The following CAB39L variants were observed in gnomAD, a reference collection of about 807,000 sequenced individuals.
CAB39L encodes calcium binding protein 39 like.
In CAB39L, 23 loss-of-function variants were observed where a neutral mutation model predicts 39.1. That is an observed-to-expected ratio of 0.59 (90% CI 0.42 to 0.83). The LOEUF (loss-of-function observed/expected upper bound fraction) is 0.83, where lower values mean the gene tolerates loss of function less well. Ranked by LOEUF, CAB39L falls within the 40% of genes least tolerant of loss-of-function variation. CAB39L has a pLI of 0.00. For missense variants in CAB39L, 366 were observed against 391.9 expected, an observed-to-expected ratio of 0.93 and a Z score of 0.56; for synonymous variants, 126 against 137.2, an observed-to-expected ratio of 0.92 and a Z score of 0.57.
intron 9 of CAB39L, among the ~76,000 whole-genome samples, chr13:49,335,237 G>A (rs1041093057): frequency 1.3e-5 from 2 of 152,048 alleles, no homozygotes; most frequent in Non-Finnish European, 2.9e-5. Context: ...TCAGCAAAAG[G>A]AAAATTTCAT....
At chr13:49,400,200 A>G (rs1351517734) in intron 3 of CAB39L, among the ~76,000 whole-genome samples, 3 of 152,088 alleles carry the variant, frequency 2.0e-5, no homozygotes, top group Admixed American at 1.3e-4. Flanking sequence ...AGCAGAGGGT[A>G]GATTAGAAAC....
At chr13:49,396,605 G>A (rs994072436) in intron 3 of CAB39L, among the ~76,000 whole-genome samples, 5 of 152,030 alleles carry the variant, frequency 3.3e-5, no homozygotes, top group Non-Finnish European at 5.9e-5. Context: ...CTACTCAGGA[G>A]GGTGAGGCAG....
At chr13:49,366,376 A>G (rs1051088014) in intron 5 of CAB39L, among the ~76,000 whole-genome samples, 22 of 152,222 alleles carry the variant, frequency 1.4e-4, no homozygotes, top group Middle Eastern at 6.8e-3. Flanking sequence ...AGAAAAAAAG[A>G]GAAAAAAGAA....
At chr13:49,367,849 T>C (rs1276576814) in intron 5 of CAB39L, among the ~76,000 whole-genome samples, 3 of 151,290 alleles carry the variant, frequency 2.0e-5, no homozygotes, top group Admixed American at 2.0e-4. Context: ...GCCTAGAAGG[T>C]GTAGGTGGAA....
chr13:49,366,687 C>A (rs551849415), intron 5 of CAB39L, among the ~76,000 whole-genome samples: 1 of 150,966 alleles, frequency 6.6e-6, no homozygotes, highest in Admixed American at 6.6e-5. Context: ...AAAACCCAAC[C>A]CCCCATCAAA....
chr13:49,427,215 C>T (rs1957257515), intron 3 of CAB39L, among the ~76,000 whole-genome samples: 2 of 152,154 alleles, frequency 1.3e-5, no homozygotes, highest in Admixed American at 1.3e-4. Flanking sequence ...ATCCCCTTTC[C>T]TCCAGTTTCT....
intron 3 of CAB39L, among the ~76,000 whole-genome samples, chr13:49,394,010 T>A (rs538484081): frequency 1.3e-4 from 20 of 152,106 alleles, no homozygotes; most frequent in African/African-American, 4.8e-4. Context: ...ATAGTTTCTG[T>A]AATTTTATAA....
intron 2 of CAB39L, among the ~76,000 whole-genome samples, 151 bp from the exon 3 acceptor site, chr13:49,433,544 A>G (rs913327986): frequency 2.0e-5 from 3 of 152,232 alleles, no homozygotes; most frequent in Non-Finnish European, 4.4e-5. Context: ...GTAAATTTTC[A>G]TATCCCAATA....
intron 10 of CAB39L, among the ~76,000 whole-genome samples, chr13:49,322,902 A>G (rs1013211826): frequency 6.6e-6 from 1 of 152,208 alleles, no homozygotes; most frequent in African/African-American, 2.4e-5. Context: ...TCCGCAGCCT[A>G]TTGAGATAGC....
At chr13:49,323,871 A>G (rs1490928562) in intron 10 of CAB39L, among the ~76,000 whole-genome samples, 5 of 152,180 alleles carry the variant, frequency 3.3e-5, no homozygotes, top group African/African-American at 1.2e-4. Context: ...CAGATGAACA[A>G]TGAGTAATTT....
At chr13:49,420,791 C>G (rs533195139) in intron 3 of CAB39L, among the ~76,000 whole-genome samples, 1 of 151,956 alleles carries the variant, frequency 6.6e-6, no homozygotes, top group Non-Finnish European at 1.5e-5. Flanking sequence ...GTTGGAATTA[C>G]GAGAATTTGA....
At chr13:49,432,159 C>T (rs533335953) in intron 3 of CAB39L, among the ~76,000 whole-genome samples, 1 of 151,938 alleles carries the variant, frequency 6.6e-6, no homozygotes, top group African/African-American at 2.4e-5. Flanking sequence ...TACATATATA[C>T]ATATTTAGAC....
chr13:49,315,645 G>A (rs1954133997), intron 10 of CAB39L, among the ~76,000 whole-genome samples: 1 of 152,036 alleles, frequency 6.6e-6, no homozygotes, highest in Non-Finnish European at 1.5e-5. Flanking sequence ...CCAGCAGCGT[G>A]GGAGGCCAAG....
chr13:49,364,475 C>A (rs1955719408), intron 5 of CAB39L, among the ~76,000 whole-genome samples: 1 of 152,062 alleles, frequency 6.6e-6, no homozygotes, highest in African/African-American at 2.4e-5. Context: ...TGAAGGGCAT[C>A]CAAATTGGTA....
chr13:49,328,932 A>G (rs1036411969), intron 10 of CAB39L, among the ~76,000 whole-genome samples: 1 of 152,200 alleles, frequency 6.6e-6, no homozygotes, highest in African/African-American at 2.4e-5. Context: ...TTTCTCTTCT[A>G]AAAGTTAAAA....
intron 1 of CAB39L, among the ~76,000 whole-genome samples, chr13:49,442,908 T>A (rs1471194625): frequency 6.6e-6 from 1 of 151,914 alleles, no homozygotes; most frequent in Non-Finnish European, 1.5e-5. Flanking sequence ...TGTTCATCAG[T>A]TAATCTTGAA....
intron 3 of CAB39L, among the ~76,000 whole-genome samples, chr13:49,383,258 GATAATA>G (rs760529166): frequency 6.6e-6 from 1 of 151,802 alleles, no homozygotes; most frequent in Non-Finnish European, 1.5e-5. Flanking sequence ...CAAAGAAAGT[GATAATA>G]ATAATAAATA....
chr13:49,392,204 C>T (rs1347691750), intron 3 of CAB39L, among the ~76,000 whole-genome samples: 1 of 151,928 alleles, frequency 6.6e-6, no homozygotes, highest in Non-Finnish European at 1.5e-5. Flanking sequence ...ATGTAATAGA[C>T]ATAATCATAC....
At position 49,381,524 on chromosome 13, in the gene CAB39L, T is replaced by G. The variant is rs555636014; in HGVS notation, c.111+1276A>C. Among the ~76,000 whole-genome samples, 205 of 152,308 alleles carry G rather than the reference T, an allele frequency of 1.3e-3. 1 individual carries two copies. The highest frequency in any genetic ancestry group is 0.01 in the Middle Eastern group (3 of 294). ...TCTTGTGACAAACATGTCTTTACAT[T>G]TCTTATTATTCCTATTTTATAGATG... On this transcript the variant is annotated intron_variant, in intron 4 of 10. Transcript: ENST00000409308.
Sources: gnomAD v4.1 joint callset for allele counts (sites outside exome capture counted in the v4.1 genomes callset) on GRCh38, gnomAD v4.1.1 for gene constraint, MANE v1.5 for transcripts, NCBI Gene and HGNC (gene_info 2026-07-23, HGNC 2026-07-21) for gene names.